NSD2: variants seen among roughly 807,000 people sequenced by gnomAD.
NSD2 encodes the protein histone-lysine N-methyltransferase NSD2.
Under a neutral mutation model 139.0 loss-of-function variants are expected in NSD2, and 12 were observed. That is an observed-to-expected ratio of 0.09 (90% CI 0.06 to 0.14). The LOEUF (loss-of-function observed/expected upper bound fraction) is 0.14, where lower values mean the gene tolerates loss of function less well. Ranked by LOEUF, NSD2 falls within the 10% of genes least tolerant of loss-of-function variation. NSD2 has a pLI of 1.00. For synonymous variants in NSD2, 669 were observed against 648.7 expected, an observed-to-expected ratio of 1.03 and a Z score of -0.48; for missense variants, 1,155 against 1,745.0, an observed-to-expected ratio of 0.66 and a Z score of 6.02.
At position 1,981,756 on chromosome 4, in the gene NSD2, T is replaced by G. The variant is rs886059338; in HGVS notation, c.*2847T>G. On this transcript the variant is annotated 3_prime_UTR_variant, in exon 22 of 22. Coordinates refer to ENST00000508803, the MANE Select transcript of NSD2 (RefSeq NM_001042424.3). ...GTGCCCATCTTCCAGGACTACCTTA[T>G]TTTCCAGAATTAAACCTGTTTTATA... 3.3e-5 allele frequency: 13 copies of G among 397,698 alleles called. No homozygotes were observed. In the East Asian group the frequency reaches 4.6e-4, roughly 14 times the overall value. 24.6% of individuals were successfully genotyped at this position (397,698 alleles called of 1,614,324 possible). A position where few individuals can be genotyped will look rare whatever the true frequency, so the allele number is the denominator to read the frequency against.
chr4:1,916,955 T>C lies in NSD2; in HGVS notation c.845T>C (p.Val282Ala). ...ERAWIFEKSL[V>A]AFEGEGQFEK... ...GCTTGGATATTTGAGAAGAGCCTCGTAGCTTTTGAAGGAGAAGGACAGTTT... is the reference window on the plus strand; with the variant it reads ...GCTTGGATATTTGAGAAGAGCCTCGCAGCTTTTGAAGGAGAAGGACAGTTT... Residue 282 changes from valine to alanine, a missense_variant, in exon 4 of 22, where the codon GTA becomes GCA. By Grantham distance (64) the Val-to-Ala change is moderately conservative. Coordinates refer to ENST00000508803, the MANE Select transcript of NSD2 (RefSeq NM_001042424.3). 6.2e-7 allele frequency: 1 copy of C among 1,614,184 alleles called. No individual in the cohort carries two copies. The highest frequency in any genetic ancestry group is 8.5e-7 in the Non-Finnish European group (1 of 1,180,004).
intron 9 of NSD2, chr4:1,941,452 G>A (rs1344016590): frequency 9.5e-7 from 1 of 1,047,738 alleles, no homozygotes; most frequent in Non-Finnish European, 1.2e-6. Context: ...GCGGGGTCGA[G>A]GCCTGCCCAT....
intron 1 of NSD2, chr4:1,887,514 T>C (rs1032537458): frequency 2.0e-5 from 3 of 152,146 alleles, no homozygotes; most frequent in African/African-American, 7.2e-5. Context: ...CTTGCTCCCT[T>C]GCGCAGGCGA....
At chr4:1,941,992 C>G in intron 9 of NSD2, 1 of 1,104,960 alleles carries the variant, frequency 9.1e-7, no homozygotes, top group Non-Finnish European at 1.1e-6. Context: ...GAGGTCCACA[C>G]TGACACACAC....
intron 8 of NSD2, 117 bp from the exon 9 acceptor site, chr4:1,939,537 C>T: frequency 9.3e-7 from 1 of 1,073,710 alleles, no homozygotes; most frequent in South Asian, 1.5e-5. Flanking sequence ...GCCAGAAGGA[C>T]AAAGGAATTC....
At chr4:1,891,275 A>G (rs1715519727) in intron 1 of NSD2, among the ~76,000 whole-genome samples, 1 of 152,182 alleles carries the variant, frequency 6.6e-6, no homozygotes, top group Non-Finnish European at 1.5e-5. Flanking sequence ...CAGGCAGACT[A>G]GTGTGATATA....
In NSD2 at chr4:1,951,220, A is replaced by T; in HGVS notation, c.2013+17A>T. 1 of 1,613,944 alleles carries T rather than the reference A, an allele frequency of 6.2e-7. No homozygotes were observed. Among genetic ancestry groups the T allele is most frequent in the Non-Finnish European group, 8.5e-7 (1 of 1,179,902 alleles). The stretch of plus-strand genomic sequence containing the variant: ...GTGTGCCAGGTGAGGAGAAGGCAGC[A>T]TCCGCTATGTCCGTGCTGGTGTCTG... On this transcript the variant is annotated intron_variant, in intron 10 of 21. Coordinates refer to ENST00000508803, the MANE Select transcript of NSD2 (RefSeq NM_001042424.3).
chr4:1,959,843 A>AT, intron 17 of NSD2, 103 bp downstream of exon 17: 1 of 1,484,030 alleles, frequency 6.7e-7, no homozygotes, highest in South Asian at 1.4e-5. Flanking sequence ...TGAGAATGGT[A>AT]TTTTTTGGAA....
At chr4:1,935,637 A>T (rs757456104) in intron 7 of NSD2, among the ~76,000 whole-genome samples, 12 of 152,148 alleles carry the variant, frequency 7.9e-5, no homozygotes, top group Admixed American at 1.3e-4. Flanking sequence ...AGGCAGGTGG[A>T]TTGCTTGAGG....
chr4:1,948,746 G>A lies in NSD2; in HGVS notation c.1882-2326G>A. ...CCTCAAAACAGACTTTGTTAATGTA[G>A]GAAATCTCTCCAAGTGGAAACGTGC... On this transcript the variant is annotated intron_variant, in intron 9 of 21. Coordinates refer to ENST00000508803, the MANE Select transcript of NSD2 (RefSeq NM_001042424.3). The surrounding 1 kb of genome is among the most constrained non-coding windows in gnomAD (Gnocchi z 4.5). The A allele has an allele frequency of 9.5e-7, 1 of 1,048,452 alleles. No homozygotes were observed. The highest frequency in any genetic ancestry group is 1.2e-6 in the Non-Finnish European group (1 of 867,730). The allele number at this position is 1,048,452 out of a possible 1,614,324, so 64.9% of individuals were successfully genotyped here.
intron 1 of NSD2, among the ~76,000 whole-genome samples, chr4:1,881,807 A>G (rs1297543258): frequency 6.6e-6 from 1 of 152,218 alleles, no homozygotes; most frequent in Non-Finnish European, 1.5e-5. Flanking sequence ...TATACCTGAC[A>G]AGGCTTTGGG....
In NSD2 at chr4:1,948,487, G is replaced by A. The variant is rs918244357; in HGVS notation, c.1882-2585G>A. The A allele has an allele frequency of 6.6e-6, 7 of 1,064,938 alleles. No individual in the cohort carries two copies. Among genetic ancestry groups the A allele is most frequent in the Middle Eastern group, 4.1e-4 (1 of 2,410 alleles). 66.0% of individuals were successfully genotyped at this position (1,064,938 alleles called of 1,614,324 possible). ...CTCGTACTTTGCTCTCCTTGCGGGT[G>A]GTTGCCGAGCCGAGAGCATTGGATC... On this transcript the variant is annotated intron_variant, in intron 9 of 21. Transcript: ENST00000508803. This position sits in a 1 kb window ranked among gnomAD's most constrained non-coding sequence, Gnocchi z 4.5.
intron 5 of NSD2, among the ~76,000 whole-genome samples, chr4:1,926,937 A>G (rs1239778391): frequency 1.3e-5 from 2 of 152,222 alleles, no homozygotes; most frequent in Non-Finnish European, 2.9e-5. Flanking sequence ...AAACAACAAC[A>G]TGCATTTACT....
In NSD2 at chr4:1,942,521, A is replaced by T. The variant is rs1723202687; in HGVS notation, c.1881+2743A>T. The stretch of plus-strand genomic sequence containing the variant: ...ATAATCTGTTTTTACTGGTATTAAT[A>T]AACACATACAATGAAGAAAACAGAT... On this transcript the variant is annotated intron_variant, in intron 9 of 21. Coordinates refer to ENST00000508803, the MANE Select transcript of NSD2 (RefSeq NM_001042424.3). This position sits in a 1 kb window ranked among gnomAD's most constrained non-coding sequence, Gnocchi z 4.0. The T allele has an allele frequency of 6.9e-7, 1 of 1,442,932 alleles. No homozygotes were observed. The highest frequency in any genetic ancestry group is 1.4e-5 in the African/African-American group (1 of 70,060). 89.4% of individuals were successfully genotyped at this position (1,442,932 alleles called of 1,614,324 possible). A position where few individuals can be genotyped will look rare whatever the true frequency, so the allele number is the denominator to read the frequency against.
chr4:1,977,024 CT>C (rs760005243), intron 21 of NSD2, among the ~76,000 whole-genome samples: 14 of 152,236 alleles, frequency 9.2e-5, no homozygotes, highest in Non-Finnish European at 1.8e-4. Context: ...ACTAAAGCCC[CT>C]CCTAGGAGAA....
In NSD2 at chr4:1,980,575, G is replaced by A. The variant is rs1014869447; in HGVS notation, c.*1666G>A. ...CTTTGGACCTGAGAGTGGCTACTCC[G>A]TGGTTTTGTGACCTGTAAGCGTGGG... On this transcript the variant is annotated 3_prime_UTR_variant, in exon 22 of 22. Transcript: ENST00000508803. 9.4e-5 allele frequency: 22 copies of A among 233,012 alleles called. No individual in the cohort carries two copies. The highest frequency in any genetic ancestry group is 1.5e-4 in the Non-Finnish European group (18 of 117,988). 14.4% of individuals were successfully genotyped at this position (233,012 alleles called of 1,614,324 possible).
intron 3 of NSD2, among the ~76,000 whole-genome samples, chr4:1,909,099 T>C (rs1335475265): frequency 6.6e-6 from 1 of 152,170 alleles, no homozygotes; most frequent in Non-Finnish European, 1.5e-5. Context: ...TTTTAGTTCT[T>C]ATTTTCTTAA....
intron 9 of NSD2, among the ~76,000 whole-genome samples, chr4:1,949,654 C>T (rs1243431745): frequency 1.3e-5 from 2 of 152,022 alleles, no homozygotes; most frequent in East Asian, 1.9e-4. Flanking sequence ...TACCCAGCTA[C>T]TCAGGAGACT....
chr4:1,950,944 C>A, intron 9 of NSD2, 128 bp from the exon 10 acceptor site: 1 of 1,194,054 alleles, frequency 8.4e-7, no homozygotes, highest in Non-Finnish European at 1.2e-6. Context: ...AAATCACTGG[C>A]GGTACAGGAC....
Sources: gnomAD v4.1 joint callset for allele counts (sites outside exome capture counted in the v4.1 genomes callset) on GRCh38, gnomAD v4.1.1 for gene constraint, Gnocchi (gnomAD v3.1) non-coding constraint, MANE v1.5 for transcripts, NCBI Gene and HGNC (gene_info 2026-07-23, HGNC 2026-07-21) for gene names.